Variants in FLVCR2 observed in about 807,000 individuals in gnomAD.
FLVCR2 encodes choline/ethanolamine transporter FLVCR2.
FLVCR2 carries 38 observed loss-of-function variants against 48.9 expected under a neutral mutation model. The ratio of observed to expected loss-of-function variants is 0.78; its 90% confidence interval spans 0.60 to 1.02. FLVCR2 has a LOEUF of 1.02. Ranked by LOEUF, FLVCR2 falls within the 50% of genes least tolerant of loss-of-function variation. The probability of loss-of-function intolerance (pLI) is 0.00; values close to 1 mark genes in which losing one functional copy is unlikely to be tolerated. For synonymous variants in FLVCR2, 255 were observed against 257.0 expected, an observed-to-expected ratio of 0.99 and a Z score of 0.07; for missense variants, 664 against 663.3, an observed-to-expected ratio of 1.00 and a Z score of -0.01.
At chr14:75,619,493 C>A (rs1302458351) in intron 1 of FLVCR2, among the ~76,000 whole-genome samples, 4 of 151,822 alleles carry the variant, frequency 2.6e-5, no homozygotes, top group Non-Finnish European at 4.4e-5. Flanking sequence ...ATCCATCCAT[C>A]CATCCATCCA....
chr14:75,626,646 T>A (rs1471265085), intron 3 of FLVCR2, among the ~76,000 whole-genome samples: 1 of 151,870 alleles, frequency 6.6e-6, no homozygotes, highest in African/African-American at 2.4e-5. Context: ...AAGTTACAAG[T>A]TCCCCATCAC....
chr14:75,580,298 A>C (rs1430342129), intron 1 of FLVCR2, among the ~76,000 whole-genome samples: 2 of 152,214 alleles, frequency 1.3e-5, no homozygotes, highest in Non-Finnish European at 2.9e-5. Context: ...GAGAAGCTCA[A>C]ATTCTTTGCA....
At chr14:75,579,711 G>A (rs1160926918) in intron 1 of FLVCR2, 70 bp downstream of exon 1, 2 of 1,540,150 alleles carry the variant, frequency 1.3e-6, no homozygotes, top group Non-Finnish European at 1.8e-6. Context: ...GGGTGTGGTA[G>A]GCTATAATTT....
At chr14:75,614,496 A>G (rs1889557408) in intron 1 of FLVCR2, among the ~76,000 whole-genome samples, 1 of 152,230 alleles carries the variant, frequency 6.6e-6, no homozygotes, top group Non-Finnish European at 1.5e-5. Flanking sequence ...GAGAATTCAC[A>G]TGGTGATGGG....
intron 5 of FLVCR2, among the ~76,000 whole-genome samples, chr14:75,637,419 G>A (rs1014618177): frequency 2.0e-5 from 3 of 152,198 alleles, no homozygotes; most frequent in Non-Finnish European, 2.9e-5. Context: ...CAGGGGTGAT[G>A]TGTAAAGAAA....
chr14:75,632,022 G>C (rs1415712400), intron 3 of FLVCR2, among the ~76,000 whole-genome samples: 3 of 152,216 alleles, frequency 2.0e-5, no homozygotes, highest in Admixed American at 2.0e-4. Context: ...ACTGCATTGA[G>C]CCCAACCTTG....
chr14:75,605,452 C>A, intron 1 of FLVCR2: 1 of 1,488,498 alleles, frequency 6.7e-7, no homozygotes, highest in South Asian at 1.3e-5. Context: ...CTCTGGTGGC[C>A]CAGCCAGACA....
At chr14:75,592,097 T>C (rs533402511) in intron 1 of FLVCR2, among the ~76,000 whole-genome samples, 2 of 151,822 alleles carry the variant, frequency 1.3e-5, no homozygotes, top group South Asian at 2.1e-4. Flanking sequence ...TCCTAAAGAG[T>C]TGGGATTTCA....
At chr14:75,594,881 G>A (rs1278329508) in intron 1 of FLVCR2, among the ~76,000 whole-genome samples, 1 of 152,044 alleles carries the variant, frequency 6.6e-6, no homozygotes, top group Non-Finnish European at 1.5e-5. Context: ...ACCACACCTG[G>A]CTAATTTTTT....
chr14:75,583,297 C>T (rs1020292979), intron 1 of FLVCR2, among the ~76,000 whole-genome samples: 3 of 152,170 alleles, frequency 2.0e-5, no homozygotes, highest in African/African-American at 7.2e-5. Context: ...GAAGGCTTGT[C>T]CGGTTTTTGG....
At chr14:75,640,887 A>G (rs1890293327) in intron 6 of FLVCR2, 68 bp from the exon 7 acceptor site, 2 of 1,053,704 alleles carry the variant, frequency 1.9e-6, no homozygotes, top group South Asian at 2.5e-5. Context: ...CTAGGGGAGG[A>G]GGTGGGCTCC....
chr14:75,589,725 C>G (rs1364876955), intron 1 of FLVCR2, among the ~76,000 whole-genome samples: 1 of 152,210 alleles, frequency 6.6e-6, no homozygotes, highest in Non-Finnish European at 1.5e-5. Context: ...ATGGAAGCCA[C>G]CATGGCACCA....
chr14:75,579,887 C>A (rs17103483), intron 1 of FLVCR2, among the ~76,000 whole-genome samples: 35 of 152,194 alleles, frequency 2.3e-4, no homozygotes, highest in African/African-American at 8.4e-4. Flanking sequence ...ACATACTATA[C>A]CTTCGCTGTG....
At chr14:75,633,012 C>CTA in intron 3 of FLVCR2, 1 of 701,772 alleles carries the variant, frequency 1.4e-6, no homozygotes, top group Non-Finnish European at 2.6e-6. Context: ...ACCTTATTCG[C>CTA]TAAAGATACA....
intron 1 of FLVCR2, among the ~76,000 whole-genome samples, chr14:75,591,828 T>G (rs1888890037): frequency 1.4e-5 from 2 of 144,152 alleles, no homozygotes; most frequent in African/African-American, 5.5e-5. Flanking sequence ...TTTTTTTTTT[T>G]TTTGACAAAG....
In FLVCR2 at chr14:75,595,954, T is replaced by G. The variant is rs934353253; in HGVS notation, c.669+16313T>G. 1.3e-5 allele frequency: 19 copies of G among 1,503,384 alleles called. No individual in the cohort carries two copies. The Admixed American group carries it at 3.0e-4, about 24-fold the overall frequency. The allele number at this position is 1,503,384 out of a possible 1,614,324, so 93.1% of individuals were successfully genotyped here. ...CTTGCAAGTCTATGTTTGGGTTCATTTTTCTTTGCATAATCCAGGGGATCA... is the reference window on the plus strand; with the variant it reads ...CTTGCAAGTCTATGTTTGGGTTCATGTTTCTTTGCATAATCCAGGGGATCA... On this transcript the variant is annotated intron_variant, in intron 1 of 9. Coordinates refer to ENST00000238667, the MANE Select transcript of FLVCR2 (RefSeq NM_017791.3).
At position 75,628,184 on chromosome 14, in the gene FLVCR2, G is replaced by A. The variant is rs151029527; in HGVS notation, c.952+3432G>A. Among the ~76,000 whole-genome samples, 6 of 151,954 alleles carry A rather than the reference G, an allele frequency of 3.9e-5. No homozygotes were observed. In the East Asian group the frequency reaches 5.8e-4, roughly 15 times the overall value. ...AGCTGGAGTGCAGTGGCATGATCTC[G>A]GCTCACTGCAACCTCCACCTTCCAG... is the stretch of plus-strand genomic sequence containing the variant. On this transcript the variant is annotated intron_variant, in intron 3 of 9. Transcript: ENST00000238667.
chr14:75,606,431 G>T (rs562252333), intron 1 of FLVCR2, among the ~76,000 whole-genome samples: 3 of 152,166 alleles, frequency 2.0e-5, no homozygotes, highest in African/African-American at 7.2e-5. Context: ...CGGGCTTCCT[G>T]TTGGGTGCTG....
rs76989230 is a variant in FLVCR2 at position 75,646,153 on chromosome 14, G to T, written c.1510-248G>T. On this transcript the variant is annotated intron_variant, in intron 9 of 9. Transcript: ENST00000238667. The stretch of plus-strand genomic sequence containing the variant: ...AGCTGGATCATTTGTGGTGGCCTTG[G>T]CATCATAGAAAGCTTGCCCCTTTTT... Among the ~76,000 whole-genome samples, 1,939 of 152,214 alleles carry T rather than the reference G, an allele frequency of 0.013. 37 individuals are homozygous for T. The highest frequency in any genetic ancestry group is 0.045 in the African/African-American group (1,848 of 41,522).
Sources: gnomAD v4.1 joint callset for allele counts (sites outside exome capture counted in the v4.1 genomes callset) on GRCh38, gnomAD v4.1.1 for gene constraint, MANE v1.5 for transcripts, NCBI Gene and HGNC (gene_info 2026-07-23, HGNC 2026-07-21) for gene names.